USP25: variants seen among roughly 807,000 people sequenced by gnomAD.
The protein encoded by USP25 is ubiquitin specific peptidase 25.
USP25 carries 85 observed loss-of-function variants against 158.5 expected under a neutral mutation model. That is an observed-to-expected ratio of 0.54 (90% confidence interval 0.45 to 0.64). The LOEUF is 0.64. USP25 is among the 30% of genes least tolerant of loss of function. USP25 has a pLI of 0.00. For missense variants in USP25, 1,242 were observed against 1,327.3 expected, an observed-to-expected ratio of 0.94 and a Z score of 1.00; for synonymous variants, 464 against 460.4, an observed-to-expected ratio of 1.01 and a Z score of -0.10.
At chr21:15,857,982 A>G (rs1401420307) in intron 20 of USP25, among the ~76,000 whole-genome samples, 1 of 115,688 alleles carries the variant, frequency 8.6e-6, no homozygotes, top group African/African-American at 3.3e-5. Context: ...AGGGATTTAT[A>G]CTTAATGATA....
intron 20 of USP25, among the ~76,000 whole-genome samples, chr21:15,854,075 T>G (rs1324459421): frequency 6.6e-6 from 1 of 152,142 alleles, no homozygotes; most frequent in East Asian, 1.9e-4. Context: ...CAATTAGATA[T>G]AGTATTTTTA....
chr21:15,750,852 TGCCTCC>T (rs71887418), intron 1 of USP25, among the ~76,000 whole-genome samples: 23,586 of 151,366 alleles, frequency 0.16, 3,685 homozygotes, highest in African/African-American at 0.41. Context: ...GTGATCCGTC[TGCCTCC>T]GCCTCCGCCT....
chr21:15,742,164 C>A (rs541846325), intron 1 of USP25, among the ~76,000 whole-genome samples: 8 of 149,530 alleles, frequency 5.4e-5, no homozygotes, highest in African/African-American at 2.0e-4. Context: ...GAAGAGGAAT[C>A]TGAATTGGAA....
intron 5 of USP25, among the ~76,000 whole-genome samples, chr21:15,798,398 G>C (rs931044912): frequency 2.0e-5 from 3 of 151,228 alleles, no homozygotes; most frequent in African/African-American, 4.8e-5. Context: ...TTTTTCTTCT[G>C]TGATTTCCCT....
At chr21:15,740,641 G>GTTTTTTTTTTTTTTTTTTT (rs60616271) in intron 1 of USP25, among the ~76,000 whole-genome samples, 1 of 41,242 alleles carries the variant, frequency 2.4e-5, no homozygotes, top group African/African-American at 4.5e-5. Context: ...CTTTCTGGCT[G>GTTTTTTTTTTTTTTTTTTT]TTTTTTTTTT....
chr21:15,763,533 A>G (rs1445061979), intron 2 of USP25, among the ~76,000 whole-genome samples: 1 of 152,138 alleles, frequency 6.6e-6, no homozygotes, highest in Non-Finnish European at 1.5e-5. Context: ...TCGACATCCA[A>G]ATGAGTCATA....
intron 3 of USP25, among the ~76,000 whole-genome samples, chr21:15,772,520 A>G (rs1250449547): frequency 2.0e-5 from 3 of 152,208 alleles, no homozygotes; most frequent in Non-Finnish European, 4.4e-5. Context: ...GCCTTGACAC[A>G]GATATGAGAA....
chr21:15,830,718 A>C, intron 15 of USP25, 117 bp downstream of exon 15: 1 of 796,908 alleles, frequency 1.3e-6, no homozygotes, highest in East Asian at 2.9e-5. Flanking sequence ...AATTTTGGCA[A>C]ATCTTATTGT....
intron 9 of USP25, among the ~76,000 whole-genome samples, chr21:15,814,043 A>G (rs955294848): frequency 2.2e-4 from 33 of 151,352 alleles, no homozygotes; most frequent in African/African-American, 6.1e-4. Flanking sequence ...ATGATAATGA[A>G]TAAGTCTCCT....
rs1432348362 is a variant in USP25 at position 15,875,314 on chromosome 21, C to T, written c.3009+788C>T. Among the ~76,000 whole-genome samples, 2 of 152,138 alleles carry T rather than the reference C, an allele frequency of 1.3e-5. No homozygotes were observed. Among genetic ancestry groups the T allele is most frequent in the Non-Finnish European group, 2.9e-5 (2 of 68,006 alleles). ...AACCTGATGGTTCCTCTGAAACCTTCAAAAAATGGTATAATGTTTCTCATC... is the reference window on the plus strand; with the variant it reads ...AACCTGATGGTTCCTCTGAAACCTTTAAAAAATGGTATAATGTTTCTCATC... On this transcript the variant is annotated intron_variant, in intron 24 of 25. Coordinates refer to ENST00000400183, the MANE Select transcript of USP25 (RefSeq NM_001283041.3). This position sits in a 1 kb window ranked among gnomAD's most constrained non-coding sequence, Gnocchi z 4.7.
chr21:15,752,643 C>G (rs565722199), intron 1 of USP25, among the ~76,000 whole-genome samples: 13 of 152,278 alleles, frequency 8.5e-5, no homozygotes, highest in Admixed American at 3.3e-4. Context: ...CTAACTATAT[C>G]CATTGTTCTT....
At chr21:15,783,138 A>ACGGC (rs2123540976) in intron 4 of USP25, among the ~76,000 whole-genome samples, 1 of 152,260 alleles carries the variant, frequency 6.6e-6, no homozygotes, top group East Asian at 1.9e-4. Context: ...ACAGTAACAG[A>ACGGC]CTAGAACATG....
intron 6 of USP25, among the ~76,000 whole-genome samples, chr21:15,803,467 A>G (rs1387515544): frequency 6.6e-6 from 1 of 151,954 alleles, no homozygotes; most frequent in East Asian, 1.9e-4. Context: ...ATAAATCAGT[A>G]TACTTCACCA....
rs983618872 is a variant in USP25, at chr21:15,864,548, G to A, written c.2726+102G>A. The A allele has an allele frequency of 9.5e-6, 10 of 1,057,812 alleles. No homozygotes were observed. The African/African-American group carries it at 9.9e-5, about 11-fold the overall frequency. 65.5% of individuals were successfully genotyped at this position (1,057,812 alleles called of 1,614,324 possible). Reference sequence around the variant, plus strand: ...GAGTATTTATTTTATATATGCATGGGCACATATTTTAATAAATACGTAACA... The same window carrying A: ...GAGTATTTATTTTATATATGCATGGACACATATTTTAATAAATACGTAACA... On this transcript the variant is annotated intron_variant, in intron 21 of 25. Transcript: ENST00000400183.
At chr21:15,838,696 G>A (rs1049113530) in intron 17 of USP25, among the ~76,000 whole-genome samples, 6 of 152,074 alleles carry the variant, frequency 3.9e-5, no homozygotes, top group African/African-American at 1.4e-4. Context: ...ATCTTCTTCA[G>A]TGTGAACGTA....
At chr21:15,809,586 T>C (rs556138979) in intron 8 of USP25, among the ~76,000 whole-genome samples, 1 of 152,284 alleles carries the variant, frequency 6.6e-6, no homozygotes, top group East Asian at 1.9e-4. Flanking sequence ...TGGAAAACAG[T>C]ATGGGGATTT....
intron 21 of USP25, 92 bp from the exon 22 acceptor site, chr21:15,866,174 T>G: frequency 1.4e-6 from 1 of 708,632 alleles, no homozygotes; most frequent in Non-Finnish European, 2.0e-6. Context: ...TTTTGCTCAG[T>G]GTTTATGGAT....
intron 1 of USP25, among the ~76,000 whole-genome samples, chr21:15,745,465 TTTC>T: frequency 6.8e-6 from 1 of 147,962 alleles, no homozygotes; most frequent in Middle Eastern, 3.5e-3. Flanking sequence ...TCTTTTTCTT[TTTC>T]TTTTCTTTTT....
At chr21:15,849,524 C>T (rs1306217200) in intron 19 of USP25, among the ~76,000 whole-genome samples, 2 of 152,154 alleles carry the variant, frequency 1.3e-5, no homozygotes, top group Admixed American at 1.3e-4. Context: ...TGTCTAGAAG[C>T]AGGGTGCCTT....
Sources: allele counts gnomAD v4.1 joint callset (sites outside exome capture counted in the v4.1 genomes callset), GRCh38; gene constraint gnomAD v4.1.1; non-coding constraint Gnocchi (gnomAD v3.1); transcripts MANE v1.5; gene names NCBI Gene and HGNC (gene_info 2026-07-23, HGNC 2026-07-21).